Variants in LRRC75A observed in about 807,000 individuals in gnomAD.
LRRC75A encodes the protein leucine-rich repeat-containing protein 75A.
In LRRC75A, 12 loss-of-function variants were observed where a neutral mutation model predicts 26.0. That is an observed-to-expected ratio of 0.46 (90% confidence interval 0.30 to 0.75). LRRC75A has a LOEUF of 0.75. LRRC75A is among the 30% of genes least tolerant of loss of function. The probability of loss-of-function intolerance (pLI) is 0.08; values close to 1 mark genes in which losing one functional copy is unlikely to be tolerated. For missense variants in LRRC75A, 410 were observed against 486.6 expected (o/e 0.84, Z 1.48); for synonymous variants, 223 against 219.3 (o/e 1.02, Z -0.15).
At chr17:16,452,610 T>C (rs186230704) in intron 2 of LRRC75A, among the ~76,000 whole-genome samples, 1 of 152,116 alleles carries the variant, frequency 6.6e-6, no homozygotes, top group Admixed American at 6.5e-5. Context: ...TAATTTTTTG[T>C]ATCTTAATAG....
chr17:16,490,028 G>A (rs1196047898), intron 1 of LRRC75A, among the ~76,000 whole-genome samples: 1 of 152,210 alleles, frequency 6.6e-6, no homozygotes, highest in Non-Finnish European at 1.5e-5. Flanking sequence ...GAAGCTCAGT[G>A]TCCCCAGGAT....
intron 2 of LRRC75A, among the ~76,000 whole-genome samples, chr17:16,450,375 G>A (rs771703599): frequency 2.0e-5 from 3 of 152,310 alleles, no homozygotes; most frequent in Non-Finnish European, 4.4e-5. Context: ...AGGAGGGCCC[G>A]AGACTGAACA....
chr17:16,460,531 G>C (rs2093719838), intron 2 of LRRC75A, among the ~76,000 whole-genome samples: 1 of 152,136 alleles, frequency 6.6e-6, no homozygotes, highest in South Asian at 2.1e-4. Context: ...GTTGGGGAGG[G>C]AGGGGAGCTC....
intron 1 of LRRC75A, among the ~76,000 whole-genome samples, chr17:16,489,921 A>G (rs964680994): frequency 6.6e-6 from 1 of 151,032 alleles, no homozygotes; most frequent in East Asian, 2.0e-4. Flanking sequence ...CAGGACACCA[A>G]TAAGACCCAT....
chr17:16,454,349 G>A lies in LRRC75A; in HGVS notation c.376-6389C>T, dbSNP rs577987396. Among the ~76,000 whole-genome samples, 3 of 151,700 alleles carry A rather than the reference G, an allele frequency of 2.0e-5. No homozygotes were observed. In the East Asian group the frequency reaches 5.8e-4, roughly 29 times the overall value. ...GGAGGGTCCAGTGAGCCGAGATCAC[G>A]TCATTGCACTCCAGCCTGGGCAACA... is the stretch of plus-strand genomic sequence containing the variant. On this transcript the variant is annotated intron_variant, in intron 2 of 3. Coordinates refer to ENST00000470794, the MANE Select transcript of LRRC75A (RefSeq NM_001113567.3).
intron 1 of LRRC75A, among the ~76,000 whole-genome samples, chr17:16,474,308 A>T (rs987814721): frequency 2.0e-5 from 3 of 152,252 alleles, no homozygotes; most frequent in South Asian, 2.1e-4. Flanking sequence ...GCAGCAGAAG[A>T]GGGACTTGGA....
chr17:16,482,323 A>C (rs1237697070), intron 1 of LRRC75A, among the ~76,000 whole-genome samples: 2 of 151,806 alleles, frequency 1.3e-5, no homozygotes, highest in Non-Finnish European at 2.9e-5. Context: ...CTGTGGGTGG[A>C]GGCTCCATGG....
At chr17:16,452,025 C>T (rs1456726774) in intron 2 of LRRC75A, among the ~76,000 whole-genome samples, 3 of 150,018 alleles carry the variant, frequency 2.0e-5, no homozygotes, top group Non-Finnish European at 4.4e-5. Context: ...CGTTAGCCAC[C>T]GCGCCCGGCC....
intron 1 of LRRC75A, among the ~76,000 whole-genome samples, chr17:16,464,301 G>A (rs1568971665): frequency 6.6e-6 from 1 of 152,234 alleles, no homozygotes; most frequent in Non-Finnish European, 1.5e-5. Context: ...TGAAGCACTG[G>A]CTGGTACAGG....
chr17:16,457,161 T>C (rs1023977405), intron 2 of LRRC75A, among the ~76,000 whole-genome samples: 1 of 152,196 alleles, frequency 6.6e-6, no homozygotes, highest in African/African-American at 2.4e-5. Context: ...CCTCTGTAAC[T>C]GCTCCAGGAC....
chr17:16,482,585 C>G (rs1198591567), intron 1 of LRRC75A, among the ~76,000 whole-genome samples: 1 of 152,184 alleles, frequency 6.6e-6, no homozygotes, highest in African/African-American at 2.4e-5. Context: ...CTGGGCCTAG[C>G]GCCTGTGTCC....
intron 2 of LRRC75A, among the ~76,000 whole-genome samples, chr17:16,451,575 T>C (rs2093630901): frequency 6.7e-6 from 1 of 148,156 alleles, no homozygotes; most frequent in Non-Finnish European, 1.5e-5. Context: ...TGAGCCGAGA[T>C]CGCACCACTG....
intron 2 of LRRC75A, among the ~76,000 whole-genome samples, chr17:16,449,685 C>T (rs1159467133): frequency 3.9e-5 from 6 of 152,154 alleles, no homozygotes; most frequent in Non-Finnish European, 8.8e-5. Flanking sequence ...GGCACGATCT[C>T]GGCTCACTGC....
chr17:16,447,351 C>T (rs1214940558), intron 3 of LRRC75A, among the ~76,000 whole-genome samples: 1 of 152,114 alleles, frequency 6.6e-6, no homozygotes, highest in Non-Finnish European at 1.5e-5. Flanking sequence ...GTTGCTCAGG[C>T]TGGAGTGCAG....
chr17:16,475,446 T>C (rs577107855), intron 1 of LRRC75A, among the ~76,000 whole-genome samples: 1 of 152,320 alleles, frequency 6.6e-6, no homozygotes, highest in East Asian at 1.9e-4. Context: ...GGCAGTGCTG[T>C]CTGGAGTCTG....
At position 16,492,117 on chromosome 17, in the gene LRRC75A, G is replaced by A; in HGVS notation, c.-127C>T. The A allele has an allele frequency of 1.2e-6, 1 of 813,518 alleles. No homozygotes were observed. Among genetic ancestry groups the A allele is most frequent in the Non-Finnish European group, 1.5e-6 (1 of 667,730 alleles). 50.4% of individuals were successfully genotyped at this position (813,518 alleles called of 1,614,324 possible). On this transcript the variant is annotated 5_prime_UTR_variant, in exon 1 of 4. Transcript: ENST00000470794. ...CAACTTTGGGGGAACTGTTGCGCGCGGGCGTCGCGGGGGCGGGCGGGCGGG... is the reference window on the plus strand; with the variant it reads ...CAACTTTGGGGGAACTGTTGCGCGCAGGCGTCGCGGGGGCGGGCGGGCGGG...
intron 2 of LRRC75A, among the ~76,000 whole-genome samples, chr17:16,452,031 C>T (rs1045891123): frequency 4.0e-5 from 6 of 149,778 alleles, no homozygotes; most frequent in South Asian, 2.1e-4. Context: ...CCACCGCGCC[C>T]GGCCTGGAAT....
intron 3 of LRRC75A, among the ~76,000 whole-genome samples, chr17:16,447,387 C>G (rs1037618847): frequency 6.6e-6 from 1 of 152,148 alleles, no homozygotes; most frequent in Non-Finnish European, 1.5e-5. Context: ...TCACTGCAAC[C>G]TCCACCTCCC....
intron 1 of LRRC75A, among the ~76,000 whole-genome samples, chr17:16,467,064 TG>T (rs1192504822): frequency 6.6e-6 from 1 of 152,174 alleles, no homozygotes; most frequent in African/African-American, 2.4e-5. Flanking sequence ...GTCACAAAAA[TG>T]GGGAGCAACA....
Sources: allele counts gnomAD v4.1 joint callset (sites outside exome capture counted in the v4.1 genomes callset), GRCh38; gene constraint gnomAD v4.1.1; transcripts MANE v1.5; gene names NCBI Gene and HGNC (gene_info 2026-07-23, HGNC 2026-07-21).